GRIK1: variants seen among roughly 807,000 people sequenced by gnomAD.
GRIK1 encodes the protein glutamate receptor ionotropic, kainate 1.
In GRIK1, 69 loss-of-function variants were observed where a neutral mutation model predicts 105.7. That is an observed-to-expected ratio of 0.65 (90% confidence interval 0.54 to 0.80). The LOEUF (loss-of-function observed/expected upper bound fraction) is 0.80, where lower values mean the gene tolerates loss of function less well. Among genes scored for constraint, GRIK1 ranks in the 30% least tolerant of loss-of-function variants. The pLI is 0.00. For synonymous variants in GRIK1, 438 were observed against 431.3 expected, an observed-to-expected ratio of 1.02 and a Z score of -0.19; for missense variants, 1,109 against 1,167.3, an observed-to-expected ratio of 0.95 and a Z score of 0.73.
In GRIK1 at chr21:29,711,239, T is replaced by A. The variant is rs116938229; in HGVS notation, c.119-17176A>T. On this transcript the variant is annotated intron_variant, in intron 1 of 17. Coordinates refer to ENST00000327783, the MANE Select transcript of GRIK1 (RefSeq NM_001330994.2). Reference sequence around the variant, plus strand: ...ATATATGAAGGTTATCCTATAGGATTATAATGCCATATTTTTATTGTACCT... The same window carrying A: ...ATATATGAAGGTTATCCTATAGGATAATAATGCCATATTTTTATTGTACCT... Among the ~76,000 whole-genome samples the A allele has an allele frequency of 4.3e-3, 661 of 152,304 alleles. 2 individuals carry two copies. Among genetic ancestry groups the A allele is most frequent in the Middle Eastern group, 0.017 (5 of 294 alleles).
rs181882424 is a variant in GRIK1, at chr21:29,879,981, T to C, written c.118+59402A>G. On this transcript the variant is annotated intron_variant, in intron 1 of 17. Transcript: ENST00000327783. ...GGTGAAAAGAGTTTACATATGCAATTGTTACAGTAATAGTTCCCTGAAGCC... is the reference window on the plus strand; with the variant it reads ...GGTGAAAAGAGTTTACATATGCAATCGTTACAGTAATAGTTCCCTGAAGCC... Among the ~76,000 whole-genome samples, 217 of 152,262 alleles carry C rather than the reference T, an allele frequency of 1.4e-3. 1 individual carries two copies. The highest frequency in any genetic ancestry group is 6.9e-3 in the Admixed American group (105 of 15,280).
intron 16 of GRIK1, among the ~76,000 whole-genome samples, chr21:29,554,411 G>A (rs363502): frequency 0.074 from 11,311 of 152,066 alleles, 868 homozygotes; most frequent in African/African-American, 0.19. Flanking sequence ...ATTTCCTTCA[G>A]AAATAAAAGT....
At chr21:29,683,479 A>G (rs950139622) in intron 3 of GRIK1, among the ~76,000 whole-genome samples, 1 of 152,250 alleles carries the variant, frequency 6.6e-6, no homozygotes, top group African/African-American at 2.4e-5. Flanking sequence ...TTGCAGCAAC[A>G]TGGTTGCAGC....
intron 1 of GRIK1, among the ~76,000 whole-genome samples, chr21:29,895,215 T>C (rs1007206707): frequency 2.0e-5 from 3 of 152,094 alleles, no homozygotes; most frequent in Non-Finnish European, 2.9e-5. Flanking sequence ...TGGATGATGG[T>C]AACATTCACT....
intron 16 of GRIK1, among the ~76,000 whole-genome samples, chr21:29,550,344 A>G (rs9305399): frequency 0.9 from 137,362 of 152,170 alleles, 62,289 homozygotes; most frequent in East Asian, 1. Context: ...ATTGAATGCC[A>G]AACATGTGTT....
chr21:29,613,844 A>G (rs886278189), intron 7 of GRIK1, among the ~76,000 whole-genome samples: 1 of 152,196 alleles, frequency 6.6e-6, no homozygotes, highest in Non-Finnish European at 1.5e-5. Flanking sequence ...GCATGTACTT[A>G]TTGGATCCCA....
intron 1 of GRIK1, among the ~76,000 whole-genome samples, chr21:29,732,615 T>G (rs570256246): frequency 1.3e-5 from 2 of 152,290 alleles, no homozygotes; most frequent in East Asian, 3.9e-4. Flanking sequence ...AAGAGAGATA[T>G]GCCATTGACT....
rs543230249 is a variant in GRIK1 at position 29,738,230 on chromosome 21, C to T, written c.119-44167G>A. On this transcript the variant is annotated intron_variant, in intron 1 of 17. Transcript: ENST00000327783. ...GACTCACTTGTGCTCCTAATTCTCCCACTTTATCTGTTTGTGTGGGGTGTG... is the reference window on the plus strand; with the variant it reads ...GACTCACTTGTGCTCCTAATTCTCCTACTTTATCTGTTTGTGTGGGGTGTG... Among the ~76,000 whole-genome samples, 4 of 152,346 alleles carry T rather than the reference C, an allele frequency of 2.6e-5. No homozygotes were observed. In the South Asian group the frequency reaches 8.3e-4, roughly 32 times the overall value.
chr21:29,538,729 C>T (rs554561167), intron 16 of GRIK1, among the ~76,000 whole-genome samples: 15 of 152,136 alleles, frequency 9.9e-5, no homozygotes, highest in East Asian at 1.9e-4. Context: ...AACTGCCTTA[C>T]GGGAAGAAAT....
At chr21:29,812,184 C>T (rs2067028208) in intron 1 of GRIK1, among the ~76,000 whole-genome samples, 1 of 152,046 alleles carries the variant, frequency 6.6e-6, no homozygotes, top group South Asian at 2.1e-4. Flanking sequence ...TAGGGATTTG[C>T]CTGTCTTACT....
chr21:29,785,220 C>A (rs2066226398), intron 1 of GRIK1, among the ~76,000 whole-genome samples: 1 of 152,126 alleles, frequency 6.6e-6, no homozygotes, highest in African/African-American at 2.4e-5. Context: ...AAGATATCAG[C>A]CTAATGCCAT....
chr21:29,621,936 A>T (rs1345370429), intron 7 of GRIK1, among the ~76,000 whole-genome samples: 2 of 151,850 alleles, frequency 1.3e-5, no homozygotes, highest in Admixed American at 6.6e-5. Flanking sequence ...GTGTTCTAAG[A>T]ATAACTTCTT....
chr21:29,927,957 T>C (rs1432241369), intron 1 of GRIK1, among the ~76,000 whole-genome samples: 1 of 152,146 alleles, frequency 6.6e-6, no homozygotes, highest in Non-Finnish European at 1.5e-5. Context: ...TATATACATA[T>C]ATATACGACA....
chr21:29,712,125 T>C (rs868361020), intron 1 of GRIK1, among the ~76,000 whole-genome samples: 4,415 of 63,714 alleles, frequency 0.069, 144 homozygotes, highest in East Asian at 0.23. Context: ...CACACACACA[T>C]ATATATAGGT....
intron 14 of GRIK1, among the ~76,000 whole-genome samples, chr21:29,576,049 CA>C (rs976829789): frequency 3.3e-5 from 5 of 149,900 alleles, no homozygotes; most frequent in African/African-American, 4.9e-5. Flanking sequence ...TTTTTTTTCC[CA>C]AAAAAAACTT....
At chr21:29,699,569 A>C (rs995678286) in intron 1 of GRIK1, among the ~76,000 whole-genome samples, 1 of 152,070 alleles carries the variant, frequency 6.6e-6, no homozygotes, top group Non-Finnish European at 1.5e-5. Flanking sequence ...TAAGCCACCC[A>C]GTCTATGGTC....
intron 7 of GRIK1, among the ~76,000 whole-genome samples, chr21:29,615,468 C>G (rs948903853): frequency 4.6e-5 from 7 of 152,144 alleles, no homozygotes; most frequent in African/African-American, 1.2e-4. Context: ...TGCCATCATG[C>G]CTGGCTAATT....
intron 1 of GRIK1, among the ~76,000 whole-genome samples, chr21:29,793,022 C>T (rs186788213): frequency 6.6e-6 from 1 of 152,056 alleles, no homozygotes; most frequent in South Asian, 2.1e-4. Context: ...AATTAATGCA[C>T]CTTCATTGCA....
intron 1 of GRIK1, among the ~76,000 whole-genome samples, chr21:29,749,445 G>A (rs974122952): frequency 1.3e-5 from 2 of 152,182 alleles, no homozygotes; most frequent in African/African-American, 4.8e-5. Context: ...TGTGAAATGG[G>A]CTGAAGGGCT....
Sources: allele counts gnomAD v4.1 joint callset (sites outside exome capture counted in the v4.1 genomes callset), GRCh38; gene constraint gnomAD v4.1.1; transcripts MANE v1.5; gene names NCBI Gene and HGNC (gene_info 2026-07-23, HGNC 2026-07-21).